SYN3: variants seen among roughly 807,000 people sequenced by gnomAD.
The protein encoded by SYN3 is synapsin III.
A neutral mutation model predicts 65.8 loss-of-function variants in SYN3; 35 were observed. The ratio of observed to expected loss-of-function variants is 0.53; its 90% confidence interval spans 0.41 to 0.70. The LOEUF is 0.70. Among genes scored for constraint, SYN3 ranks in the 30% least tolerant of loss-of-function variants. The pLI is 0.00. For missense variants in SYN3, 680 were observed against 749.0 expected, an observed-to-expected ratio of 0.91 and a Z score of 1.08; for synonymous variants, 270 against 292.9, an observed-to-expected ratio of 0.92 and a Z score of 0.80.
intron 7 of SYN3, among the ~76,000 whole-genome samples, chr22:32,587,568 T>G (rs780651285): frequency 7.9e-5 from 12 of 152,166 alleles, no homozygotes; most frequent in Non-Finnish European, 1.2e-4. Flanking sequence ...TATTTGCTCA[T>G]TTTCTAATAC....
At chr22:33,025,646 A>G (rs2053631714) in intron 1 of SYN3, among the ~76,000 whole-genome samples, 1 of 152,078 alleles carries the variant, frequency 6.6e-6, no homozygotes, top group Admixed American at 6.6e-5. Context: ...AAAAAAAAAA[A>G]AAAAGATTTC....
At chr22:32,888,883 T>C (rs1351873206) in intron 4 of SYN3, among the ~76,000 whole-genome samples, 2 of 152,220 alleles carry the variant, frequency 1.3e-5, no homozygotes, top group Non-Finnish European at 2.9e-5. Context: ...GTCTCAAGCA[T>C]TTCAGATGAG....
At chr22:32,573,764 G>GTT (rs1206847975) in intron 7 of SYN3, among the ~76,000 whole-genome samples, 96 of 108,474 alleles carry the variant, frequency 8.9e-4, no homozygotes, top group African/African-American at 2.3e-3. Flanking sequence ...GAAGGAAGGG[G>GTT]TTTTTTTTTT....
intron 2 of SYN3, among the ~76,000 whole-genome samples, chr22:32,987,647 G>GCCCC (rs1175865656): frequency 6.6e-6 from 1 of 152,154 alleles, no homozygotes; most frequent in African/African-American, 2.4e-5. Flanking sequence ...ACATAACAGG[G>GCCCC]CCCCGAGCCA....
rs115774610 is a variant in SYN3, at chr22:32,726,561, G to A, written c.712-129825C>T. ...CTGGCTGTTGATGACAACAGCTCTC[G>A]TCTCCTATCTCTGCCACTCCCTAGT... On this transcript the variant is annotated intron_variant, in intron 6 of 13. Transcript: ENST00000358763. Among the ~76,000 whole-genome samples the A allele has an allele frequency of 5.6e-3, 848 of 152,258 alleles. 8 individuals carry two copies. Among genetic ancestry groups the A allele is most frequent in the African/African-American group, 0.02 (829 of 41,530 alleles).
chr22:32,532,234 C>A (rs766129441), intron 10 of SYN3, among the ~76,000 whole-genome samples: 1 of 152,302 alleles, frequency 6.6e-6, no homozygotes, highest in African/African-American at 2.4e-5. Flanking sequence ...TGTGCCAAAT[C>A]TGGGTTCATG....
chr22:32,988,349 A>T (rs1051139015), intron 2 of SYN3, among the ~76,000 whole-genome samples: 39 of 124,650 alleles, frequency 3.1e-4, no homozygotes, highest in African/African-American at 1.2e-3. Flanking sequence ...ATAATAATAA[A>T]ATAAATAGAT....
At chr22:32,560,152 C>G (rs1289306112) in intron 7 of SYN3, among the ~76,000 whole-genome samples, 1 of 152,212 alleles carries the variant, frequency 6.6e-6, no homozygotes, top group African/African-American at 2.4e-5. Context: ...CCGGAAGCAA[C>G]CCCAAGTCAA....
intron 4 of SYN3, among the ~76,000 whole-genome samples, chr22:32,872,841 C>G: frequency 6.6e-6 from 1 of 151,936 alleles, no homozygotes; most frequent in Middle Eastern, 3.2e-3. Flanking sequence ...GCCAAGCACT[C>G]TGGCAAAGGT....
At chr22:32,999,353 T>C (rs955388901) in intron 2 of SYN3, among the ~76,000 whole-genome samples, 2 of 152,008 alleles carry the variant, frequency 1.3e-5, no homozygotes, top group Non-Finnish European at 2.9e-5. Context: ...CGGAAAGGTG[T>C]GTTTGAGAAC....
chr22:32,870,389 T>C (rs926446302), intron 4 of SYN3, among the ~76,000 whole-genome samples: 24 of 152,204 alleles, frequency 1.6e-4, no homozygotes, highest in Non-Finnish European at 2.5e-4. Context: ...ACCAAAAATA[T>C]CTTCTAAAAT....
chr22:32,857,942 T>A (rs1458983107), intron 6 of SYN3: 1 of 1,609,988 alleles, frequency 6.2e-7, no homozygotes, highest in Non-Finnish European at 8.5e-7. Flanking sequence ...AGTGGGAACA[T>A]AGTAGGTGTG....
At chr22:32,977,510 C>G (rs1324832373) in intron 3 of SYN3, among the ~76,000 whole-genome samples, 5 of 151,924 alleles carry the variant, frequency 3.3e-5, no homozygotes, top group Admixed American at 2.6e-4. Flanking sequence ...CGTTGGGAGG[C>G]CGAGGCGGGT....
intron 7 of SYN3, among the ~76,000 whole-genome samples, chr22:32,583,016 C>A (rs968859346): frequency 6.6e-6 from 1 of 152,152 alleles, no homozygotes; most frequent in African/African-American, 2.4e-5. Context: ...CCAGCTTCAC[C>A]CCTGGAGGAC....
chr22:33,028,670 G>GTGGTGGTGGTGGTGA (rs1777210823), intron 1 of SYN3, among the ~76,000 whole-genome samples: 17 of 118,088 alleles, frequency 1.4e-4, no homozygotes, highest in Admixed American at 2.8e-4. Flanking sequence ...GGTGGTGGTG[G>GTGGTGGTGGTGGTGA]TGGTGGTGGT....
At position 32,869,094 on chromosome 22, in the gene SYN3, G is replaced by C; in HGVS notation, c.493C>G (p.Arg165Gly). ...RSFKPDFILV[R>G]QHAYSMALGE... ...AGGGCCATGCTGTAGGCATGCTGGC[G>C]GACCAGGATGAAGTCTGGCTTGAAG... Residue 165 changes from arginine to glycine, a missense_variant, in exon 5 of 14, where the codon CGC (arginine) becomes GGC (glycine). By Grantham distance (125) the Arg-to-Gly change is moderately radical (BLOSUM62 -2). Coordinates refer to ENST00000358763, the MANE Select transcript of SYN3 (RefSeq NM_003490.4). 6.2e-7 allele frequency: 1 copy of C among 1,613,708 alleles called. No homozygotes were observed. The highest frequency in any genetic ancestry group is 8.5e-7 in the Non-Finnish European group (1 of 1,179,718).
intron 6 of SYN3, among the ~76,000 whole-genome samples, chr22:32,834,405 A>G (rs1252166655): frequency 1.3e-5 from 2 of 151,916 alleles, no homozygotes; most frequent in Non-Finnish European, 2.9e-5. Context: ...TCAGGTGATC[A>G]GCCTGCCTTG....
intron 9 of SYN3, among the ~76,000 whole-genome samples, chr22:32,537,138 G>C (rs543193375): frequency 5.9e-4 from 90 of 152,208 alleles, no homozygotes; most frequent in Admixed American, 1.2e-3. Context: ...CCTGAGACCA[G>C]CTGACTTGGC....
intron 1 of SYN3, among the ~76,000 whole-genome samples, chr22:33,030,194 C>T (rs958471345): frequency 5.3e-5 from 8 of 152,128 alleles, no homozygotes; most frequent in African/African-American, 9.7e-5. Flanking sequence ...GAGATGCCTG[C>T]GCTGCCAAGA....
Sources: gnomAD v4.1 joint callset for allele counts (sites outside exome capture counted in the v4.1 genomes callset) on GRCh38, gnomAD v4.1.1 for gene constraint, MANE v1.5 for transcripts, NCBI Gene and HGNC (gene_info 2026-07-23, HGNC 2026-07-21) for gene names.